Variants in NDST4 observed in about 807,000 individuals in gnomAD.
NDST4 encodes N-deacetylase and N-sulfotransferase 4.
Under a neutral mutation model 100.8 loss-of-function variants are expected in NDST4, and 63 were observed. The ratio of observed to expected loss-of-function variants is 0.62; its 90% CI spans 0.51 to 0.77. NDST4 has a LOEUF of 0.77. Among genes scored for constraint, NDST4 ranks in the 30% least tolerant of loss-of-function variants. The probability of loss-of-function intolerance (pLI) is 0.00; values close to 1 mark genes in which losing one functional copy is unlikely to be tolerated. For synonymous variants in NDST4, 377 were observed against 361.8 expected (o/e 1.04, Z -0.48); for missense variants, 943 against 1,018.4 (o/e 0.93, Z 1.01).
rs180677478 is a variant in NDST4 at position 114,986,068 on chromosome 4, G to T, written c.979-8794C>A. Among the ~76,000 whole-genome samples, 416 of 152,226 alleles carry T rather than the reference G, an allele frequency of 2.7e-3. 2 individuals are homozygous for T. The highest frequency in any genetic ancestry group is 4.8e-3 in the Non-Finnish European group (328 of 68,020). On this transcript the variant is annotated intron_variant, in intron 2 of 13. Coordinates refer to ENST00000264363, the MANE Select transcript of NDST4 (RefSeq NM_022569.3). ...AAGGATAATGGTTTCATTGCATTAG[G>T]AGTATTTTTTGAATACTGGAAGTTT... is the stretch of plus-strand genomic sequence containing the variant.
In NDST4 at chr4:114,833,606, G is replaced by T; in HGVS notation, c.2396C>A (p.Thr799Lys). ...TPRYNYSEAL[T>K]FDPQKGFWCQ... Reference sequence around the variant, plus strand: ...AAATCAAGCATGACAATAGACTCACGTTAGTGCTTCAGAGTAATTATAACG... The same window carrying T: ...AAATCAAGCATGACAATAGACTCACTTTAGTGCTTCAGAGTAATTATAACG... The change falls in exon 12 of 14, where the codon ACG (threonine) becomes AAG (lysine). Residue 799 changes from threonine (T) to lysine (K), a missense_variant and splice_region_variant. Physicochemically the swap from Thr to Lys is moderately conservative, Grantham distance 78. Transcript: ENST00000264363. 6.3e-7 allele frequency: 1 copy of T among 1,585,114 alleles called. No individual in the cohort carries two copies. Among genetic ancestry groups the T allele is most frequent in the Non-Finnish European group, 8.7e-7 (1 of 1,154,518 alleles).
At chr4:114,956,284 G>A (rs981368970) in intron 4 of NDST4, among the ~76,000 whole-genome samples, 1 of 152,134 alleles carries the variant, frequency 6.6e-6, no homozygotes. Context: ...TGCTCAGGGA[G>A]AGAGGCAGGT....
At chr4:114,884,326 G>A (rs765070356) in intron 6 of NDST4, among the ~76,000 whole-genome samples, 14 of 152,004 alleles carry the variant, frequency 9.2e-5, no homozygotes, top group Admixed American at 2.6e-4. Flanking sequence ...GGGAGGAGAA[G>A]AAAAAACTTT....
At chr4:114,971,149 A>G (rs1216731550) in intron 3 of NDST4, among the ~76,000 whole-genome samples, 1 of 152,094 alleles carries the variant, frequency 6.6e-6, no homozygotes, top group Non-Finnish European at 1.5e-5. Flanking sequence ...ATATTTTAAA[A>G]GTTTAGCTCT....
In NDST4 at chr4:115,076,506, T is replaced by C; in HGVS notation, c.531A>G (p.Leu177=). ...ANENSLPSTQ[L]KGFPLNLFNN... ...TGAAAAGGTTTAACGGAAAGCCTTTTAATTGTGTACTTGGTAAGCTGTTCT... is the reference window on the plus strand; with the variant it reads ...TGAAAAGGTTTAACGGAAAGCCTTTCAATTGTGTACTTGGTAAGCTGTTCT... The change falls in exon 2 of 14, where the codon TTA becomes TTG. Residue 177 remains leucine (L), a synonymous_variant. Coordinates refer to ENST00000264363, the MANE Select transcript of NDST4 (RefSeq NM_022569.3). 4 of 1,614,002 alleles carry C rather than the reference T, an allele frequency of 2.5e-6. No homozygotes were observed. The highest frequency in any genetic ancestry group is 3.4e-6 in the Non-Finnish European group (4 of 1,179,954).
rs1726315322 is a variant in NDST4, at chr4:114,963,641, A to T, written c.1221+6789T>A. 1.3e-5 allele frequency among the ~76,000 whole-genome samples: 2 copies of T among 152,206 alleles called. 1 individual carries two copies. Among genetic ancestry groups the T allele is most frequent in the South Asian group, 4.1e-4 (2 of 4,836 alleles). On this transcript the variant is annotated intron_variant, in intron 4 of 13. Transcript: ENST00000264363. ...ATGGTAACTTGCACTAAGTTGATTG[A>T]TAGTAGAAGTGGTAAGACGTCAAAT...
chr4:114,929,097 C>CATCTATCCATCT lies in NDST4; in HGVS notation c.1536+6108_1536+6109insAGATGGATAGAT, dbSNP rs1283647279. On this transcript the variant is annotated intron_variant, in intron 6 of 13. Coordinates refer to ENST00000264363, the MANE Select transcript of NDST4 (RefSeq NM_022569.3). ...CCGTCCATCCATCCATCCATCCATC[C>CATCTATCCATCT]ATCCATCCATCCATCCATCTATCTA... Among the ~76,000 whole-genome samples the CATCTATCCATCT allele has an allele frequency of 1.5e-3, 185 of 126,484 alleles. 3 individuals are homozygous for CATCTATCCATCT. The highest frequency in any genetic ancestry group is 0.014 in the Middle Eastern group (4 of 278). The allele number at this position is 126,484 out of a possible 152,430, so 83.0% of individuals were successfully genotyped here. A position where few individuals can be genotyped will look rare whatever the true frequency, so the allele number is the denominator to read the frequency against.
chr4:114,876,777 C>T (rs1724262413), intron 6 of NDST4, among the ~76,000 whole-genome samples: 1 of 151,998 alleles, frequency 6.6e-6, no homozygotes, highest in Non-Finnish European at 1.5e-5. Context: ...GTGAAACATT[C>T]CAATGAATCA....
chr4:115,094,038 A>G (rs945112161), intron 1 of NDST4, among the ~76,000 whole-genome samples: 3 of 152,100 alleles, frequency 2.0e-5, no homozygotes, highest in Non-Finnish European at 2.9e-5. Flanking sequence ...GCTGACATGA[A>G]GATAAAACAA....
At chr4:114,919,460 T>A (rs1460045241) in intron 6 of NDST4, among the ~76,000 whole-genome samples, 1 of 152,144 alleles carries the variant, frequency 6.6e-6, no homozygotes, top group Non-Finnish European at 1.5e-5. Context: ...GTTTCCAAAT[T>A]CCTGGAAGCA....
chr4:115,073,017 C>T (rs565042138), intron 2 of NDST4, among the ~76,000 whole-genome samples: 1 of 151,806 alleles, frequency 6.6e-6, no homozygotes, highest in Non-Finnish European at 1.5e-5. Flanking sequence ...AGCAAAAGGC[C>T]TGAATAAACA....
In NDST4 at chr4:114,893,695, A is replaced by G. The variant is rs184542199; in HGVS notation, c.1537-22745T>C. 4.3e-3 allele frequency among the ~76,000 whole-genome samples: 648 copies of G among 151,926 alleles called. 1 individual carries two copies. Among genetic ancestry groups the G allele is most frequent in the Non-Finnish European group, 5.5e-3 (375 of 67,918 alleles). ...TTTTGTCCCCTTCTTTAGGTTGCCT[A>G]TTCACTCTGATGATAGTTTCTTTTG... On this transcript the variant is annotated intron_variant, in intron 6 of 13. Coordinates refer to ENST00000264363, the MANE Select transcript of NDST4 (RefSeq NM_022569.3).
At chr4:114,833,081 A>G (rs954382639) in intron 12 of NDST4, among the ~76,000 whole-genome samples, 4 of 152,344 alleles carry the variant, frequency 2.6e-5, no homozygotes, top group Admixed American at 2.6e-4. Flanking sequence ...GCATAATAAA[A>G]TAATGGTCAT....
At chr4:114,985,515 T>A (rs1453203104) in intron 2 of NDST4, among the ~76,000 whole-genome samples, 1 of 152,166 alleles carries the variant, frequency 6.6e-6, no homozygotes, top group African/African-American at 2.4e-5. Flanking sequence ...AATCTTCCAG[T>A]GACCTTTTTA....
rs111812693 is a variant in NDST4 at position 114,867,817 on chromosome 4, C to T, written c.1719+2951G>A. 6.2e-3 allele frequency among the ~76,000 whole-genome samples: 947 copies of T among 152,146 alleles called. 8 individuals are homozygous for T. Among genetic ancestry groups the T allele is most frequent in the African/African-American group, 0.022 (911 of 41,526 alleles). The stretch of plus-strand genomic sequence containing the variant: ...ACTAAGGACTAAACTGACAAGGATA[C>T]AGTCTGGGGATTGCATTTCATATGT... On this transcript the variant is annotated intron_variant, in intron 7 of 13. Coordinates refer to ENST00000264363, the MANE Select transcript of NDST4 (RefSeq NM_022569.3).
At chr4:114,942,456 G>A (rs576549479) in intron 4 of NDST4, among the ~76,000 whole-genome samples, 2 of 151,916 alleles carry the variant, frequency 1.3e-5, no homozygotes, top group African/African-American at 4.8e-5. Flanking sequence ...TCCTTGACAC[G>A]AACATCTATA....
intron 7 of NDST4, among the ~76,000 whole-genome samples, chr4:114,869,026 C>A (rs1231002333): frequency 1.3e-5 from 2 of 150,290 alleles, no homozygotes; most frequent in African/African-American, 4.9e-5. Flanking sequence ...ATTTTAATTT[C>A]TAATTTCCAT....
At chr4:114,947,650 T>C (rs1560826026) in intron 4 of NDST4, among the ~76,000 whole-genome samples, 1 of 151,388 alleles carries the variant, frequency 6.6e-6, no homozygotes, top group Non-Finnish European at 1.5e-5. Context: ...ATTTCTATAG[T>C]ACTGTAGGCA....
At chr4:115,033,362 C>T (rs1728163988) in intron 2 of NDST4, among the ~76,000 whole-genome samples, 2 of 151,276 alleles carry the variant, frequency 1.3e-5, no homozygotes, top group South Asian at 4.2e-4. Flanking sequence ...GTGATCTGCC[C>T]ACCTCCACCT....
Sources: allele counts gnomAD v4.1 joint callset (sites outside exome capture counted in the v4.1 genomes callset), GRCh38; gene constraint gnomAD v4.1.1; transcripts MANE v1.5; gene names NCBI Gene and HGNC (gene_info 2026-07-23, HGNC 2026-07-21).